Variants in BBS9 observed in about 807,000 individuals in gnomAD.
BBS9 encodes Bardet-Biedl syndrome 9.
Under a neutral mutation model 117.7 loss-of-function variants are expected in BBS9, and 89 were observed. The ratio of observed to expected loss-of-function variants is 0.76; its 90% confidence interval spans 0.64 to 0.90. The LOEUF (loss-of-function observed/expected upper bound fraction) is 0.90, where lower values mean the gene tolerates loss of function less well. Among genes scored for constraint, BBS9 ranks in the 40% least tolerant of loss-of-function variants. The pLI, the probability that BBS9 is intolerant of heterozygous loss-of-function variation, is 0.00. For synonymous variants in BBS9, 379 were observed against 370.9 expected, an observed-to-expected ratio of 1.02 and a Z score of -0.25; for missense variants, 982 against 1,042.2, an observed-to-expected ratio of 0.94 and a Z score of 0.80.
At chr7:33,136,340 CT>C (rs1417960045) in intron 1 of BBS9, among the ~76,000 whole-genome samples, 1 of 151,950 alleles carries the variant, frequency 6.6e-6, no homozygotes, top group Non-Finnish European at 1.5e-5. Context: ...ATTTGGAAGC[CT>C]TTTATTTCCT....
intron 14 of BBS9, chr7:33,352,017 TCTTTCAGCCCTCAGGCTG>T (rs1336868933): frequency 6.5e-6 from 1 of 153,370 alleles, no homozygotes; most frequent in African/African-American, 2.4e-5. Flanking sequence ...AGCAGTACGG[TCTTTCAGCCCTCAGGCTG>T]TTTTAAGCCT....
At chr7:33,268,254 C>T (rs994613949) in intron 7 of BBS9, among the ~76,000 whole-genome samples, 9 of 152,172 alleles carry the variant, frequency 5.9e-5, no homozygotes, top group African/African-American at 2.2e-4. Context: ...AAGTACTCAG[C>T]TGAATATTTG....
chr7:33,364,777 G>A (rs918087652), intron 16 of BBS9, among the ~76,000 whole-genome samples: 8 of 147,960 alleles, frequency 5.4e-5, no homozygotes, highest in Non-Finnish European at 1.0e-4. Context: ...CATCCAGGCT[G>A]GAGTGCAGTG....
intron 1 of BBS9, among the ~76,000 whole-genome samples, chr7:33,133,227 T>TA (rs538757336): frequency 1.6e-4 from 24 of 151,364 alleles, no homozygotes; most frequent in South Asian, 2.1e-4. Context: ...TTGTTATCTT[T>TA]AAAAAAAAAC....
At chr7:33,223,003 A>G (rs1236071743) in intron 5 of BBS9, among the ~76,000 whole-genome samples, 1 of 151,768 alleles carries the variant, frequency 6.6e-6, no homozygotes, top group East Asian at 1.9e-4. Context: ...ATCACTTGTA[A>G]GAAGAATAAC....
chr7:33,532,309 C>G (rs373922830), intron 20 of BBS9, among the ~76,000 whole-genome samples: 12 of 152,282 alleles, frequency 7.9e-5, no homozygotes, highest in African/African-American at 2.4e-4. Flanking sequence ...AGAGCTGGAG[C>G]AGAAAGTTCC....
At chr7:33,452,173 A>G (rs1310704770) in intron 19 of BBS9, among the ~76,000 whole-genome samples, 1 of 151,494 alleles carries the variant, frequency 6.6e-6, no homozygotes. Flanking sequence ...CCAACACAGG[A>G]TATCTTCTCA....
At chr7:33,481,781 G>A (rs1224186890) in intron 19 of BBS9, among the ~76,000 whole-genome samples, 1 of 152,152 alleles carries the variant, frequency 6.6e-6, no homozygotes, top group Non-Finnish European at 1.5e-5. Context: ...GTTTGGAGTG[G>A]AGAGGAAGAA....
At chr7:33,499,106 T>A (rs1845113836) in intron 19 of BBS9, among the ~76,000 whole-genome samples, 1 of 152,192 alleles carries the variant, frequency 6.6e-6, no homozygotes, top group Admixed American at 6.5e-5. Context: ...TAATGCTATT[T>A]TATAGATAAA....
chr7:33,315,565 A>G (rs935853768), intron 9 of BBS9, among the ~76,000 whole-genome samples: 2 of 152,152 alleles, frequency 1.3e-5, no homozygotes, highest in Non-Finnish European at 2.9e-5. Flanking sequence ...TACCTAGAGG[A>G]GACCATTTTG....
At chr7:33,524,346 C>G (rs573643528) in intron 20 of BBS9, among the ~76,000 whole-genome samples, 3 of 152,308 alleles carry the variant, frequency 2.0e-5, no homozygotes, top group Admixed American at 2.0e-4. Context: ...CCTTGTACCT[C>G]TGATAGTATT....
At chr7:33,596,475 G>A (rs987341112) in intron 21 of BBS9, among the ~76,000 whole-genome samples, 2 of 151,840 alleles carry the variant, frequency 1.3e-5, no homozygotes, top group African/African-American at 2.4e-5. Context: ...CCAAGTGAGG[G>A]CAGACTAAGC....
At chr7:33,534,308 C>A in intron 21 of BBS9, 132 bp downstream of exon 21, 1 of 945,628 alleles carries the variant, frequency 1.1e-6, no homozygotes, top group Non-Finnish European at 1.6e-6. Flanking sequence ...TTTCACGTTT[C>A]CCCTCTGACA....
chr7:33,365,883 T>C (rs1035426458), intron 16 of BBS9, among the ~76,000 whole-genome samples: 10 of 152,092 alleles, frequency 6.6e-5, no homozygotes, highest in African/African-American at 2.4e-4. Context: ...CTATGGCAGG[T>C]GATGTAATGA....
At chr7:33,626,570 A>G (rs1221929172) in intron 21 of BBS9, among the ~76,000 whole-genome samples, 1 of 152,236 alleles carries the variant, frequency 6.6e-6, no homozygotes, top group Non-Finnish European at 1.5e-5. Context: ...TGACATGAAC[A>G]ATAAAGTCCA....
chr7:33,323,833 C>CTTT lies in BBS9; in HGVS notation c.1017-12588_1017-12586dup, dbSNP rs1227126451. ...CCTTCTTTTCTTCATTCCTGTCTTC[C>CTTT]TTTTTTTTTTTTTTTTTTTTTTGAG... On this transcript the variant is annotated intron_variant, in intron 9 of 22. Coordinates refer to ENST00000242067, the MANE Select transcript of BBS9 (RefSeq NM_198428.3). 2.0e-3 allele frequency among the ~76,000 whole-genome samples: 209 copies of CTTT among 105,134 alleles called. 1 individual carries two copies. The highest frequency in any genetic ancestry group is 2.7e-3 in the African/African-American group (67 of 24,936). The allele number at this position is 105,134 out of a possible 152,430, so 69.0% of individuals were successfully genotyped here. A position where few individuals can be genotyped will look rare whatever the true frequency, so the allele number is the denominator to read the frequency against.
intron 5 of BBS9, among the ~76,000 whole-genome samples, chr7:33,235,248 T>A (rs1356876967): frequency 1.3e-5 from 2 of 152,202 alleles, no homozygotes; most frequent in East Asian, 3.8e-4. Context: ...TCTTTTTTTA[T>A]GACAGGATTC....
chr7:33,400,997 C>T (rs1372547620), intron 19 of BBS9, among the ~76,000 whole-genome samples: 1 of 152,210 alleles, frequency 6.6e-6, no homozygotes, highest in Admixed American at 6.5e-5. Context: ...ACCTATCCAA[C>T]TTTACCATGC....
intron 16 of BBS9, among the ~76,000 whole-genome samples, chr7:33,363,466 A>G (rs1381110256): frequency 6.6e-6 from 1 of 152,192 alleles, no homozygotes; most frequent in Non-Finnish European, 1.5e-5. Context: ...TGTGGGCTCT[A>G]TTAGCATTTT....
Sources: gnomAD v4.1 joint callset for allele counts (sites outside exome capture counted in the v4.1 genomes callset) on GRCh38, gnomAD v4.1.1 for gene constraint, MANE v1.5 for transcripts, NCBI Gene and HGNC (gene_info 2026-07-23, HGNC 2026-07-21) for gene names.